The following CNTN5 variants were observed in gnomAD, a reference collection of about 807,000 sequenced individuals.
CNTN5 encodes contactin 5.
Under a neutral mutation model 129.1 loss-of-function variants are expected in CNTN5, and 77 were observed. The observed-to-expected ratio is 0.60, with a 90% CI of 0.50 to 0.72. CNTN5 has a LOEUF of 0.72. Among genes scored for constraint, CNTN5 ranks in the 30% least tolerant of loss-of-function variants. The pLI, the probability that CNTN5 is intolerant of heterozygous loss-of-function variation, is 0.00. For synonymous variants in CNTN5, 509 were observed against 465.6 expected (o/e 1.09, Z -1.20); for missense variants, 1,478 against 1,328.8 (o/e 1.11, Z -1.75).
At chr11:99,231,942 G>A (rs79383496) in intron 1 of CNTN5, among the ~76,000 whole-genome samples, 14,852 of 151,948 alleles carry the variant, frequency 0.098, 776 homozygotes, top group Middle Eastern at 0.13. Context: ...CAGGTTTGTC[G>A]AAGATCAGCT....
At chr11:99,385,354 C>A (rs926041964) in intron 2 of CNTN5, among the ~76,000 whole-genome samples, 1 of 151,978 alleles carries the variant, frequency 6.6e-6, no homozygotes, top group Non-Finnish European at 1.5e-5. Context: ...GTAATGTAAT[C>A]CAGCTTGGAT....
intron 3 of CNTN5, among the ~76,000 whole-genome samples, chr11:99,639,848 GCCA>G (rs757879738): frequency 2.0e-5 from 3 of 152,060 alleles, no homozygotes; most frequent in Non-Finnish European, 2.9e-5. Context: ...ACCGGTGTGA[GCCA>G]CCACGTCAGT....
chr11:100,338,207 G>A (rs537415987), intron 21 of CNTN5, among the ~76,000 whole-genome samples: 8 of 152,258 alleles, frequency 5.3e-5, no homozygotes, highest in African/African-American at 1.4e-4. Context: ...TGTTCCTTTT[G>A]CTTTCAGCCA....
intron 9 of CNTN5, among the ~76,000 whole-genome samples, chr11:100,059,674 A>G (rs180980762): frequency 6.6e-6 from 1 of 152,268 alleles, no homozygotes; most frequent in Non-Finnish European, 1.5e-5. Flanking sequence ...ACAAAGCTTC[A>G]AGCAGATTGA....
At chr11:99,874,767 A>G (rs1948591033) in intron 6 of CNTN5, among the ~76,000 whole-genome samples, 1 of 152,186 alleles carries the variant, frequency 6.6e-6, no homozygotes, top group Admixed American at 6.5e-5. Flanking sequence ...TTACTTGATA[A>G]AAAAGTAATT....
At chr11:99,425,119 G>C (rs1196285571) in intron 2 of CNTN5, among the ~76,000 whole-genome samples, 1 of 152,184 alleles carries the variant, frequency 6.6e-6, no homozygotes, top group Non-Finnish European at 1.5e-5. Context: ...CAATGTCTCT[G>C]TGAGTCTGGC....
intron 2 of CNTN5, among the ~76,000 whole-genome samples, chr11:99,394,639 C>T (rs1442784491): frequency 6.6e-6 from 1 of 151,520 alleles, no homozygotes; most frequent in African/African-American, 2.4e-5. Flanking sequence ...TATTTCATCA[C>T]CCAGGTATTA....
At chr11:99,300,374 A>G (rs973388246) in intron 1 of CNTN5, among the ~76,000 whole-genome samples, 4 of 151,990 alleles carry the variant, frequency 2.6e-5, no homozygotes, top group African/African-American at 9.7e-5. Flanking sequence ...TATCGAGGTG[A>G]CCATATGATT....
chr11:99,659,095 G>T (rs1952501216), intron 3 of CNTN5, among the ~76,000 whole-genome samples: 1 of 151,904 alleles, frequency 6.6e-6, no homozygotes, highest in Non-Finnish European at 1.5e-5. Flanking sequence ...TTACTCATGG[G>T]CTTTGGAGGG....
intron 2 of CNTN5, among the ~76,000 whole-genome samples, chr11:99,466,121 A>T (rs1234304237): frequency 6.6e-6 from 1 of 152,040 alleles, no homozygotes; most frequent in Non-Finnish European, 1.5e-5. Context: ...TGACCTCGTG[A>T]TCCACCCGCC....
At chr11:99,190,597 T>C (rs189475066) in intron 1 of CNTN5, among the ~76,000 whole-genome samples, 3 of 151,752 alleles carry the variant, frequency 2.0e-5, no homozygotes, top group Admixed American at 1.3e-4. Context: ...GTAGTTTTTT[T>C]TAGTGTAGAG....
At chr11:99,836,338 T>C (rs1429961698) in intron 4 of CNTN5, among the ~76,000 whole-genome samples, 1 of 118,634 alleles carries the variant, frequency 8.4e-6, no homozygotes, top group Non-Finnish European at 1.6e-5. Flanking sequence ...TTCCCCACCC[T>C]GTGTCGAAGT....
chr11:99,377,494 A>C (rs1009394196), intron 2 of CNTN5, among the ~76,000 whole-genome samples: 1 of 152,108 alleles, frequency 6.6e-6, no homozygotes, highest in Non-Finnish European at 1.5e-5. Context: ...TATTCTTAAC[A>C]AGTCCTAATT....
chr11:100,024,045 G>C (rs1379601690), intron 9 of CNTN5, among the ~76,000 whole-genome samples: 1 of 152,126 alleles, frequency 6.6e-6, no homozygotes, highest in Non-Finnish European at 1.5e-5. Context: ...ATACAGCTAG[G>C]CTTTTTATCC....
At chr11:99,387,525 C>T (rs893023462) in intron 2 of CNTN5, among the ~76,000 whole-genome samples, 13 of 152,224 alleles carry the variant, frequency 8.5e-5, no homozygotes, top group South Asian at 2.1e-4. Flanking sequence ...AATATATAAT[C>T]GCCTATAGAA....
intron 1 of CNTN5, among the ~76,000 whole-genome samples, chr11:99,310,938 ATT>A (rs36078355): frequency 4.7e-5 from 7 of 149,350 alleles, no homozygotes; most frequent in East Asian, 2.0e-4. Flanking sequence ...ATTATTTATT[ATT>A]TTTTTTTTTG....
At chr11:99,081,309 A>G (rs1285670681) in intron 1 of CNTN5, among the ~76,000 whole-genome samples, 2 of 152,128 alleles carry the variant, frequency 1.3e-5, no homozygotes, top group Non-Finnish European at 2.9e-5. Context: ...TGGAGCTGCA[A>G]CCTCATTAAT....
At chr11:99,795,948 C>T (rs1336471174) in intron 3 of CNTN5, among the ~76,000 whole-genome samples, 3 of 152,210 alleles carry the variant, frequency 2.0e-5, no homozygotes, top group African/African-American at 7.2e-5. Context: ...GGGATCTGTC[C>T]TCATTCCCAC....
chr11:100,301,265 A>G (rs561291028), intron 20 of CNTN5, among the ~76,000 whole-genome samples: 54 of 151,784 alleles, frequency 3.6e-4, no homozygotes, highest in African/African-American at 1.2e-3. Flanking sequence ...CACGCTTTGT[A>G]TAGTAACAAC....
Sources: gnomAD v4.1 joint callset for allele counts (sites outside exome capture counted in the v4.1 genomes callset) on GRCh38, gnomAD v4.1.1 for gene constraint, MANE v1.5 for transcripts, NCBI Gene and HGNC (gene_info 2026-07-23, HGNC 2026-07-21) for gene names.